SLC6A11: variants seen among roughly 807,000 people sequenced by gnomAD.
SLC6A11 encodes solute carrier family 6 member 11, also known as sodium- and chloride-dependent GABA transporter 3.
A neutral mutation model predicts 74.8 loss-of-function variants in SLC6A11; 25 were observed. That is an observed-to-expected ratio of 0.33 (90% CI 0.24 to 0.47). SLC6A11 has a LOEUF of 0.47. Ranked by LOEUF, SLC6A11 falls within the 20% of genes least tolerant of loss-of-function variation. SLC6A11 has a pLI of 1.00. For missense variants in SLC6A11, 574 were observed against 837.0 expected (o/e 0.69, Z 3.88); for synonymous variants, 330 against 330.2 (o/e 1.00, Z 0.01).
intron 4 of SLC6A11, among the ~76,000 whole-genome samples, chr3:10,842,702 G>A (rs931697062): frequency 1.3e-5 from 2 of 152,230 alleles, no homozygotes; most frequent in East Asian, 3.9e-4. Flanking sequence ...CTAACATAGT[G>A]CCTGGTGCCT....
intron 5 of SLC6A11, 120 bp from the exon 6 acceptor site, chr3:10,874,841 C>A: frequency 2.1e-6 from 2 of 955,944 alleles, no homozygotes; most frequent in Non-Finnish European, 3.0e-6. Flanking sequence ...CGGGGGAATG[C>A]TGGTCAGCCT....
intron 6 of SLC6A11, among the ~76,000 whole-genome samples, chr3:10,880,414 T>C (rs1694961379): frequency 6.6e-6 from 1 of 152,202 alleles, no homozygotes; most frequent in African/African-American, 2.4e-5. Context: ...CATGGGCACC[T>C]TTGTGTCTTT....
chr3:10,823,669 GT>G (rs1694166883), intron 4 of SLC6A11: 1 of 346,986 alleles, frequency 2.9e-6, no homozygotes, highest in Non-Finnish European at 5.4e-6. Context: ...AGGATAGACA[GT>G]TTAAAAATTC....
At position 10,816,831 on chromosome 3, in the gene SLC6A11, T is replaced by G. The variant is rs1383534622; in HGVS notation, c.256+310T>G. On this transcript the variant is annotated intron_variant, in intron 1 of 13. Coordinates refer to ENST00000254488, the MANE Select transcript of SLC6A11 (RefSeq NM_014229.3). This position sits in a 1 kb window ranked among gnomAD's most constrained non-coding sequence, Gnocchi z 4.2. Reference sequence around the variant, plus strand: ...TGCTTTGGGTAGGCGCCCTGGTGTTTCGGGCACTTGGCCCCTTGGAGCCTC... The same window carrying G: ...TGCTTTGGGTAGGCGCCCTGGTGTTGCGGGCACTTGGCCCCTTGGAGCCTC... 6.6e-6 allele frequency among the ~76,000 whole-genome samples: 1 copy of G among 152,230 alleles called. No individual in the cohort carries two copies.
At chr3:10,876,375 G>A (rs924897207) in intron 6 of SLC6A11, among the ~76,000 whole-genome samples, 1 of 152,220 alleles carries the variant, frequency 6.6e-6, no homozygotes, top group Non-Finnish European at 1.5e-5. Context: ...AGGCTCAGTT[G>A]AAGGAGCAGT....
At chr3:10,842,771 A>G (rs1270212207) in intron 4 of SLC6A11, among the ~76,000 whole-genome samples, 5 of 152,152 alleles carry the variant, frequency 3.3e-5, no homozygotes, top group African/African-American at 1.2e-4. Context: ...TCTCCTGGCT[A>G]TGGGTGTGAG....
chr3:10,907,002 A>G (rs1371803313), intron 6 of SLC6A11, among the ~76,000 whole-genome samples: 2 of 152,226 alleles, frequency 1.3e-5, no homozygotes, highest in Non-Finnish European at 2.9e-5. Context: ...GACTGTGATC[A>G]AAACTTATGC....
chr3:10,873,700 A>ATCCTATCCTATCCTG (rs1694868489), intron 5 of SLC6A11, among the ~76,000 whole-genome samples: 1 of 122,432 alleles, frequency 8.2e-6, no homozygotes, highest in Non-Finnish European at 1.6e-5. Flanking sequence ...ATCCTATCCT[A>ATCCTATCCTATCCTG]TCCTATCCTA....
In SLC6A11 at chr3:10,926,422, A is replaced by C. The variant is rs1307315086; in HGVS notation, c.1233+306A>C. On this transcript the variant is annotated intron_variant, in intron 9 of 13. Coordinates refer to ENST00000254488, the MANE Select transcript of SLC6A11 (RefSeq NM_014229.3). The surrounding 1 kb of genome is among the most constrained non-coding windows in gnomAD (Gnocchi z 5.7). ...ATTCACATTTAGAAAAATTTGCTAA[A>C]TACTTCCCTTCTGCTCAACCACTCC... 6.6e-6 allele frequency among the ~76,000 whole-genome samples: 1 copy of C among 152,192 alleles called. No individual in the cohort carries two copies. Among genetic ancestry groups the C allele is most frequent in the Non-Finnish European group, 1.5e-5 (1 of 68,038 alleles).
intron 5 of SLC6A11, among the ~76,000 whole-genome samples, chr3:10,858,021 A>G (rs1694658876): frequency 6.6e-6 from 1 of 152,248 alleles, no homozygotes; most frequent in South Asian, 2.1e-4. Context: ...AATATTGTCT[A>G]TACTTTTTCT....
At chr3:10,835,442 C>G (rs1451179924) in intron 4 of SLC6A11, among the ~76,000 whole-genome samples, 1 of 152,202 alleles carries the variant, frequency 6.6e-6, no homozygotes. Flanking sequence ...TCACCTTCCC[C>G]TTATGCACTT....
At chr3:10,851,447 C>T (rs1032955814) in intron 5 of SLC6A11, among the ~76,000 whole-genome samples, 1 of 151,206 alleles carries the variant, frequency 6.6e-6, no homozygotes, top group Non-Finnish European at 1.5e-5. Flanking sequence ...CACACTCACA[C>T]AGAAACAGCT....
intron 6 of SLC6A11, among the ~76,000 whole-genome samples, chr3:10,903,705 G>C (rs1310026972): frequency 6.6e-6 from 1 of 152,156 alleles, no homozygotes; most frequent in Non-Finnish European, 1.5e-5. Flanking sequence ...CTAAGCACCT[G>C]CTGCTCATGA....
chr3:10,914,614 AAGAC>A (rs1173171117), intron 7 of SLC6A11, among the ~76,000 whole-genome samples: 1 of 152,130 alleles, frequency 6.6e-6, no homozygotes, highest in East Asian at 1.9e-4. Flanking sequence ...TGAGATGCTA[AAGAC>A]AGACAGAGCA....
chr3:10,827,507 T>A (rs1694226984), intron 4 of SLC6A11, among the ~76,000 whole-genome samples: 1 of 152,198 alleles, frequency 6.6e-6, no homozygotes, highest in African/African-American at 2.4e-5. Context: ...TCTTTGTTGT[T>A]TCCTTGTGTG....
intron 4 of SLC6A11, among the ~76,000 whole-genome samples, chr3:10,836,723 A>G (rs1256033528): frequency 6.6e-6 from 1 of 152,232 alleles, no homozygotes; most frequent in Non-Finnish European, 1.5e-5. Flanking sequence ...TCTAGGGTTC[A>G]GTATTTTCTC....
chr3:10,873,175 A>G (rs961521688), intron 5 of SLC6A11, among the ~76,000 whole-genome samples: 1 of 152,164 alleles, frequency 6.6e-6, no homozygotes, highest in Non-Finnish European at 1.5e-5. Context: ...CTCTTGTGCG[A>G]GGAAGCTCAG....
chr3:10,933,392 T>G, intron 11 of SLC6A11, 139 bp downstream of exon 11: 1 of 660,116 alleles, frequency 1.5e-6, no homozygotes. Context: ...CAGGGATTCC[T>G]TGGCCTTTTC....
chr3:10,835,856 T>C (rs1313556933), intron 4 of SLC6A11, among the ~76,000 whole-genome samples: 1 of 152,208 alleles, frequency 6.6e-6, no homozygotes, highest in Non-Finnish European at 1.5e-5. Context: ...GGGGAGCCCT[T>C]CCTTCTTAAC....
Sources: allele counts gnomAD v4.1 joint callset (sites outside exome capture counted in the v4.1 genomes callset), GRCh38; gene constraint gnomAD v4.1.1; non-coding constraint Gnocchi (gnomAD v3.1); transcripts MANE v1.5; gene names NCBI Gene and HGNC (gene_info 2026-07-23, HGNC 2026-07-21).